Variants in COL24A1 observed in about 807,000 individuals in gnomAD.
COL24A1 encodes the protein collagen alpha-1(XXIV) chain.
A neutral mutation model predicts 253.9 loss-of-function variants in COL24A1; 224 were observed. The observed-to-expected ratio is 0.88, with a 90% CI of 0.79 to 0.99. COL24A1 has a LOEUF of 0.99. Among genes scored for constraint, COL24A1 ranks in the 50% least tolerant of loss-of-function variants. The pLI is 0.00. For missense variants in COL24A1, 2,131 were observed against 2,068.5 expected (o/e 1.03, Z -0.59); for synonymous variants, 685 against 673.7 (o/e 1.02, Z -0.26).
intron 53 of COL24A1, among the ~76,000 whole-genome samples, chr1:85,761,946 A>G (rs1266007341): frequency 6.6e-6 from 1 of 152,138 alleles, no homozygotes; most frequent in African/African-American, 2.4e-5. Context: ...TCCTTTATCT[A>G]CCTGTAAACT....
chr1:85,766,692 T>A (rs1667419295), intron 53 of COL24A1, among the ~76,000 whole-genome samples: 1 of 152,178 alleles, frequency 6.6e-6, no homozygotes, highest in Admixed American at 6.5e-5. Flanking sequence ...TGCATTTTTT[T>A]AAAGTCACTG....
intron 19 of COL24A1, among the ~76,000 whole-genome samples, chr1:85,988,048 A>G (rs182968114): frequency 1.3e-5 from 2 of 151,748 alleles, no homozygotes; most frequent in African/African-American, 4.8e-5. Flanking sequence ...TACTAACTAC[A>G]TGTTAACTTA....
intron 35 of COL24A1, among the ~76,000 whole-genome samples, chr1:85,871,734 A>G (rs1680522558): frequency 6.6e-6 from 1 of 152,192 alleles, no homozygotes; most frequent in African/African-American, 2.4e-5. Flanking sequence ...ACCCACAGCC[A>G]ATATCATACT....
intron 12 of COL24A1, among the ~76,000 whole-genome samples, chr1:86,046,198 G>C (rs1699886067): frequency 1.3e-5 from 2 of 152,234 alleles, no homozygotes; most frequent in South Asian, 4.1e-4. Flanking sequence ...TTTTAGAAAA[G>C]TTGTAATGAA....
intron 24 of COL24A1, among the ~76,000 whole-genome samples, chr1:85,926,072 A>G (rs1163038847): frequency 6.6e-6 from 1 of 152,228 alleles, no homozygotes; most frequent in East Asian, 1.9e-4. Flanking sequence ...CACATGAAAA[A>G]AATGCTCATC....
intron 3 of COL24A1, among the ~76,000 whole-genome samples, chr1:86,120,228 A>T (rs1321049624): frequency 6.6e-6 from 1 of 152,248 alleles, no homozygotes; most frequent in Non-Finnish European, 1.5e-5. Flanking sequence ...GGACACAGGC[A>T]TGGGCAAGGA....
intron 14 of COL24A1, among the ~76,000 whole-genome samples, chr1:86,028,785 C>T (rs1403400202): frequency 3.9e-5 from 6 of 152,272 alleles, no homozygotes; most frequent in East Asian, 3.9e-4. Context: ...ATGTGCCAGA[C>T]AGTGTGCTAA....
At chr1:86,074,178 A>G (rs1404734804) in intron 7 of COL24A1, among the ~76,000 whole-genome samples, 1 of 152,200 alleles carries the variant, frequency 6.6e-6, no homozygotes, top group East Asian at 1.9e-4. Flanking sequence ...AAATTGGATA[A>G]AGAGTCAAGA....
At chr1:85,737,649 C>T (rs1157443495) in intron 57 of COL24A1, 144 bp from the exon 58 acceptor site, 27 of 524,160 alleles carry the variant, frequency 5.2e-5, no homozygotes, top group Middle Eastern at 1.0e-3. Flanking sequence ...CTGTAACCTC[C>T]GCTTCCTGGG....
chr1:86,077,912 C>A (rs1224787447), intron 7 of COL24A1, among the ~76,000 whole-genome samples: 1 of 152,054 alleles, frequency 6.6e-6, no homozygotes, highest in East Asian at 1.9e-4. Flanking sequence ...GTGCAAACCA[C>A]TATGGCACGT....
chr1:85,747,101 CTTTTT>C (rs34758363), intron 55 of COL24A1, among the ~76,000 whole-genome samples: 2 of 111,278 alleles, frequency 1.8e-5, no homozygotes, highest in African/African-American at 3.4e-5. Flanking sequence ...TGAATTATAA[CTTTTT>C]TTTTTTTTTT....
chr1:85,888,129 C>T (rs1682725476), intron 32 of COL24A1, among the ~76,000 whole-genome samples: 1 of 151,798 alleles, frequency 6.6e-6, no homozygotes, highest in African/African-American at 2.4e-5. Context: ...GTCTTTATTA[C>T]CTATTGGTTT....
intron 5 of COL24A1, 139 bp from the exon 6 acceptor site, chr1:86,092,459 GT>G: frequency 1.8e-6 from 1 of 566,656 alleles, no homozygotes; most frequent in Non-Finnish European, 3.1e-6. Context: ...ATAGGCATTG[GT>G]TATTTCATTT....
At chr1:85,860,220 T>C (rs754648323) in intron 37 of COL24A1, among the ~76,000 whole-genome samples, 6 of 152,208 alleles carry the variant, frequency 3.9e-5, no homozygotes, top group Non-Finnish European at 8.8e-5. Flanking sequence ...ATCATGTATA[T>C]GAATTATGTG....
rs946910942 is a variant in COL24A1, at chr1:85,859,329, A to C, written c.3300+9190T>G. On this transcript the variant is annotated intron_variant, in intron 37 of 59. Coordinates refer to ENST00000370571, the MANE Select transcript of COL24A1 (RefSeq NM_152890.7). The stretch of plus-strand genomic sequence containing the variant: ...GAAAATAACATTTTAAAGAACATGC[A>C]TTAAATGTTGAAAGTAAAACCAAAG... Among the ~76,000 whole-genome samples the C allele has an allele frequency of 1.8e-4, 27 of 152,204 alleles. 1 individual carries two copies. The highest frequency in any genetic ancestry group is 6.5e-4 in the African/African-American group (27 of 41,442).
chr1:85,842,716 T>C (rs964915155), intron 39 of COL24A1, among the ~76,000 whole-genome samples: 1 of 152,180 alleles, frequency 6.6e-6, no homozygotes, highest in Admixed American at 6.6e-5. Flanking sequence ...CTGTCAAAGT[T>C]TGTGCCAGAT....
At chr1:85,781,326 A>C (rs1296656795) in intron 51 of COL24A1, 53 bp from the exon 52 acceptor site, 6 of 1,293,104 alleles carry the variant, frequency 4.6e-6, no homozygotes, top group African/African-American at 1.5e-5. Flanking sequence ...AAAAAAAAAA[A>C]AACTCCACAG....
At chr1:85,946,048 G>T (rs1689292858) in intron 24 of COL24A1, among the ~76,000 whole-genome samples, 1 of 152,102 alleles carries the variant, frequency 6.6e-6, no homozygotes, top group Admixed American at 6.5e-5. Flanking sequence ...GTGGTTCATT[G>T]TGCCTCAACT....
At chr1:85,826,078 A>C (rs1295045563) in intron 43 of COL24A1, among the ~76,000 whole-genome samples, 1 of 138,666 alleles carries the variant, frequency 7.2e-6, no homozygotes, top group Non-Finnish European at 1.6e-5. Flanking sequence ...TAAGTCTTTA[A>C]TCCATCTTGA....
Sources: allele counts gnomAD v4.1 joint callset (sites outside exome capture counted in the v4.1 genomes callset), GRCh38; gene constraint gnomAD v4.1.1; transcripts MANE v1.5; gene names NCBI Gene and HGNC (gene_info 2026-07-23, HGNC 2026-07-21).